The following CEP70 variants were observed in gnomAD, a reference collection of about 807,000 sequenced individuals.
CEP70 encodes the protein centrosomal protein 70.
In CEP70, 70 loss-of-function variants were observed where a neutral mutation model predicts 90.9. The observed-to-expected ratio is 0.77, with a 90% CI of 0.64 to 0.94. The LOEUF (loss-of-function observed/expected upper bound fraction) is 0.94, where lower values mean the gene tolerates loss of function less well. CEP70 is among the 40% of genes least tolerant of loss of function. CEP70 has a pLI of 0.00. For synonymous variants in CEP70, 220 were observed against 228.3 expected (o/e 0.96, Z 0.33); for missense variants, 648 against 669.0 (o/e 0.97, Z 0.35).
intron 11 of CEP70, among the ~76,000 whole-genome samples, chr3:138,514,266 T>C (rs1263339988): frequency 1.3e-5 from 2 of 152,200 alleles, no homozygotes; most frequent in South Asian, 2.1e-4. Context: ...CTCTTACTTA[T>C]CAAAAAGACA....
intron 6 of CEP70, among the ~76,000 whole-genome samples, chr3:138,546,671 C>A (rs1255104874): frequency 6.6e-6 from 1 of 152,126 alleles, no homozygotes; most frequent in Non-Finnish European, 1.5e-5. Context: ...ATTGCTTGAA[C>A]CCAGCAGGTG....
At chr3:138,531,327 T>C (rs1560347149) in intron 8 of CEP70, among the ~76,000 whole-genome samples, 1 of 152,128 alleles carries the variant, frequency 6.6e-6, no homozygotes, top group East Asian at 1.9e-4. Context: ...TCCTGATGGA[T>C]ATGTTATGTT....
In CEP70 at chr3:138,586,912, A is replaced by G. The variant is rs1270886502; in HGVS notation, c.-6+4942T>C. Among the ~76,000 whole-genome samples the G allele has an allele frequency of 3.3e-5, 5 of 152,328 alleles. No individual in the cohort carries two copies. The East Asian group carries it at 9.6e-4, about 29-fold the overall frequency. On this transcript the variant is annotated intron_variant, in intron 2 of 17. Coordinates refer to ENST00000264982, the MANE Select transcript of CEP70 (RefSeq NM_024491.4). ...TACCCTGATATGATTATTATATATTATATGGTGTATCAAAATATCCCATGT... is the reference window on the plus strand; with the variant it reads ...TACCCTGATATGATTATTATATATTGTATGGTGTATCAAAATATCCCATGT...
chr3:138,495,811 C>T, intron 17 of CEP70: 1 of 878,522 alleles, frequency 1.1e-6, no homozygotes, highest in Non-Finnish European at 1.4e-6. Context: ...GAGATTGCGT[C>T]ACTGCACTCT....
intron 8 of CEP70, 102 bp downstream of exon 8, chr3:138,532,412 G>C: frequency 9.9e-7 from 1 of 1,009,222 alleles, no homozygotes; most frequent in South Asian, 2.2e-5. Context: ...TGACATATTA[G>C]GTGGATTTCC....
chr3:138,509,945 T>C (rs1191493195), intron 11 of CEP70, among the ~76,000 whole-genome samples: 1 of 152,142 alleles, frequency 6.6e-6, no homozygotes, highest in African/African-American at 2.4e-5. Context: ...AGAGTAGTCA[T>C]GTTAGCAATT....
At chr3:138,538,910 T>C (rs549181385) in intron 6 of CEP70, among the ~76,000 whole-genome samples, 36 of 152,338 alleles carry the variant, frequency 2.4e-4, no homozygotes, top group Non-Finnish European at 4.7e-4. Context: ...TGTTGTCATA[T>C]AATTGTTCAA....
chr3:138,512,189 G>A (rs2108739962), intron 11 of CEP70, among the ~76,000 whole-genome samples: 1 of 152,316 alleles, frequency 6.6e-6, no homozygotes. Flanking sequence ...AGGAGGAAGT[G>A]CAACTTGCTT....
chr3:138,533,089 G>A (rs980153179), intron 7 of CEP70, among the ~76,000 whole-genome samples: 7 of 152,116 alleles, frequency 4.6e-5, no homozygotes, highest in African/African-American at 1.7e-4. Context: ...AGACTATCCT[G>A]GCCAACATGG....
At chr3:138,578,953 T>C (rs2041699223) in intron 2 of CEP70, among the ~76,000 whole-genome samples, 1 of 152,236 alleles carries the variant, frequency 6.6e-6, no homozygotes, top group African/African-American at 2.4e-5. Context: ...TTTAACTTCA[T>C]ATGGCTGAAA....
Position 138,532,584 on chromosome 3 carries a change from T to C in CEP70, c.636-14A>G, listed in dbSNP as rs1376731921. 8.2e-6 allele frequency: 12 copies of C among 1,468,706 alleles called. No individual in the cohort carries two copies. Among genetic ancestry groups the C allele is most frequent in the Non-Finnish European group, 1.1e-5 (12 of 1,106,264 alleles). 91.0% of individuals were successfully genotyped at this position (1,468,706 alleles called of 1,614,324 possible). A position where few individuals can be genotyped will look rare whatever the true frequency, so the allele number is the denominator to read the frequency against. ...AGACAAAGCAACCTAGAAAACAGAA[T>C]ATTGAATTATTTTCAAAATGCGGTA... On this transcript the variant is annotated splice_polypyrimidine_tract_variant and intron_variant, in intron 7 of 17. Transcript: ENST00000264982.
intron 6 of CEP70, among the ~76,000 whole-genome samples, chr3:138,548,087 G>A (rs1274827162): frequency 1.3e-5 from 2 of 152,052 alleles, no homozygotes; most frequent in Admixed American, 6.6e-5. Flanking sequence ...AACTACAGAC[G>A]AATATCTATT....
chr3:138,572,667 T>A (rs910889082), intron 3 of CEP70, among the ~76,000 whole-genome samples, 192 bp downstream of exon 3: 2 of 152,236 alleles, frequency 1.3e-5, no homozygotes, highest in African/African-American at 4.8e-5. Context: ...AAATGCTGTA[T>A]ACTAAATCCT....
chr3:138,581,846 G>A (rs545134694), intron 2 of CEP70, among the ~76,000 whole-genome samples: 1 of 151,740 alleles, frequency 6.6e-6, no homozygotes, highest in East Asian at 1.9e-4. Context: ...TTAACCCAAG[G>A]AGACTACCTC....
chr3:138,559,589 T>A (rs1277428573), intron 6 of CEP70, among the ~76,000 whole-genome samples: 1 of 152,010 alleles, frequency 6.6e-6, no homozygotes, highest in East Asian at 1.9e-4. Flanking sequence ...AAAAATTAGC[T>A]GGGTGCACAC....
rs115836878 is a variant in CEP70 at position 138,533,699 on chromosome 3, G to C, written c.636-1129C>G. 3.7e-3 allele frequency among the ~76,000 whole-genome samples: 558 copies of C among 152,274 alleles called. 6 individuals are homozygous for C. Among genetic ancestry groups the C allele is most frequent in the African/African-American group, 0.013 (535 of 41,544 alleles). On this transcript the variant is annotated intron_variant, in intron 7 of 17. Transcript: ENST00000264982. The stretch of plus-strand genomic sequence containing the variant: ...ATTGTTAGGAGAGGAGGTTATTTCT[G>C]GGATGTGGGGATTAGGAAAGCAAGC...
intron 6 of CEP70, among the ~76,000 whole-genome samples, chr3:138,541,651 C>T (rs750507040): frequency 8.5e-5 from 13 of 152,274 alleles, no homozygotes; most frequent in East Asian, 1.9e-4. Context: ...TACAGACAAA[C>T]GCAGAATACT....
intron 11 of CEP70, among the ~76,000 whole-genome samples, chr3:138,517,645 G>A (rs1188633019): frequency 6.6e-6 from 1 of 152,202 alleles, no homozygotes; most frequent in Non-Finnish European, 1.5e-5. Flanking sequence ...CTCCAGCATG[G>A]GCGACAGAGC....
At chr3:138,520,488 AG>A (rs2036511096) in intron 11 of CEP70, among the ~76,000 whole-genome samples, 1 of 152,200 alleles carries the variant, frequency 6.6e-6, no homozygotes, top group South Asian at 2.1e-4. Flanking sequence ...ACTGTCTCTC[AG>A]ACCACAGTGC....
Sources: gnomAD v4.1 joint callset for allele counts (sites outside exome capture counted in the v4.1 genomes callset) on GRCh38, gnomAD v4.1.1 for gene constraint, MANE v1.5 for transcripts, NCBI Gene and HGNC (gene_info 2026-07-23, HGNC 2026-07-21) for gene names.